GTF2IRD1: variants seen among roughly 807,000 people sequenced by gnomAD.
GTF2IRD1 encodes general transcription factor II-I repeat domain-containing protein 1.
In GTF2IRD1, 26 loss-of-function variants were observed where a neutral mutation model predicts 113.2. That is an observed-to-expected ratio of 0.23 (90% CI 0.17 to 0.32). GTF2IRD1 has a LOEUF of 0.32. Among genes scored for constraint, GTF2IRD1 ranks in the 10% least tolerant of loss-of-function variants. The pLI, the probability that GTF2IRD1 is intolerant of heterozygous loss-of-function variation, is 1.00. For synonymous variants in GTF2IRD1, 484 were observed against 529.1 expected, an observed-to-expected ratio of 0.91 and a Z score of 1.17; for missense variants, 864 against 1,280.8, an observed-to-expected ratio of 0.67 and a Z score of 4.97.
chr7:74,535,268 GT>G (rs1487022119), intron 10 of GTF2IRD1, 130 bp downstream of exon 10: 1 of 757,714 alleles, frequency 1.3e-6, no homozygotes, highest in African/African-American at 1.7e-5. Context: ...CTGGGCTGTG[GT>G]TTCTGTGTCC....
At chr7:74,520,855 T>TA (rs1255958052) in intron 6 of GTF2IRD1, among the ~76,000 whole-genome samples, 1 of 142,772 alleles carries the variant, frequency 7.0e-6, no homozygotes, top group Non-Finnish European at 1.5e-5. Flanking sequence ...TTATTATTAT[T>TA]ATTATTATTA....
chr7:74,538,008 G>A (rs1181976327), intron 11 of GTF2IRD1, 128 bp from the exon 12 acceptor site: 7 of 795,452 alleles, frequency 8.8e-6, no homozygotes, highest in Non-Finnish European at 1.3e-5. Context: ...AGGGCCAGGG[G>A]CCGATGGGGA....
Position 74,566,530 on chromosome 7 carries a change from C to T in GTF2IRD1, c.2320+6875C>T, listed in dbSNP as rs114407527. ...GCTAATTTTCCTATTTTAGTAGAGA[C>T]GGGGTTTTGCCATGTTGGCCAGGCT... On this transcript the variant is annotated intron_variant, in intron 22 of 26. Transcript: ENST00000424337. Among the ~76,000 whole-genome samples the T allele has an allele frequency of 3.0e-3, 452 of 152,282 alleles. 3 individuals carry two copies. The highest frequency in any genetic ancestry group is 0.01 in the African/African-American group (433 of 41,564).
rs587618176 is a variant in GTF2IRD1 at position 74,590,118 on chromosome 7, G to A, written c.2398+190G>A. Among the ~76,000 whole-genome samples, 5 of 151,872 alleles carry A rather than the reference G, an allele frequency of 3.3e-5. No individual in the cohort carries two copies. The East Asian group carries it at 5.8e-4, about 18-fold the overall frequency. ...TTTTTTTTAAACAGGGTCTCACTCT[G>A]TTGCCCAAGCTGGAGTACAGTGGCG... On this transcript the variant is annotated intron_variant, in intron 23 of 26. Transcript: ENST00000424337.
intron 2 of GTF2IRD1, among the ~76,000 whole-genome samples, chr7:74,511,048 C>CAA (rs782366013): frequency 6.7e-5 from 7 of 104,304 alleles, no homozygotes; most frequent in Admixed American, 9.5e-5. Flanking sequence ...GACTTTGTCT[C>CAA]AAAAAAAAAA....
intron 3 of GTF2IRD1, among the ~76,000 whole-genome samples, chr7:74,514,086 A>C (rs1422379307): frequency 6.6e-6 from 1 of 152,110 alleles, no homozygotes; most frequent in African/African-American, 2.4e-5. Context: ...CAACCCACTC[A>C]TCTGTGAAAG....
intron 22 of GTF2IRD1, among the ~76,000 whole-genome samples, chr7:74,566,267 A>G (rs1237973519): frequency 6.6e-6 from 1 of 152,194 alleles, no homozygotes; most frequent in Non-Finnish European, 1.5e-5. Context: ...TTCAGGCTGT[A>G]TCATGGTTAT....
intron 1 of GTF2IRD1, among the ~76,000 whole-genome samples, chr7:74,458,247 G>A (rs1332252288): frequency 6.6e-6 from 1 of 152,120 alleles, no homozygotes; most frequent in Admixed American, 6.6e-5. Context: ...GTGACTGGAA[G>A]GGAATTTCCT....
chr7:74,476,189 G>A (rs1235366439), intron 1 of GTF2IRD1, among the ~76,000 whole-genome samples: 1 of 152,096 alleles, frequency 6.6e-6, no homozygotes, highest in East Asian at 1.9e-4. Flanking sequence ...ATGGGATGGC[G>A]TAGGTGTGGG....
intron 22 of GTF2IRD1, among the ~76,000 whole-genome samples, chr7:74,569,209 G>A (rs782725097): frequency 2.0e-5 from 3 of 152,340 alleles, no homozygotes; most frequent in Non-Finnish European, 2.9e-5. Flanking sequence ...GCCAGTCCCT[G>A]CAGAGATTAG....
chr7:74,549,571 C>T (rs587682769), intron 17 of GTF2IRD1, among the ~76,000 whole-genome samples: 2 of 152,226 alleles, frequency 1.3e-5, no homozygotes, highest in East Asian at 1.9e-4. Context: ...AGTCATGATT[C>T]GTGCAGTAGA....
intron 22 of GTF2IRD1, among the ~76,000 whole-genome samples, chr7:74,565,985 CCT>C (rs1450695050): frequency 7.0e-6 from 1 of 142,222 alleles, no homozygotes; most frequent in Non-Finnish European, 1.5e-5. Context: ...AGAGTAAGAC[CCT>C]CTCTCTAAAA....
intron 1 of GTF2IRD1, among the ~76,000 whole-genome samples, chr7:74,458,119 C>T (rs782566873): frequency 2.0e-5 from 3 of 152,228 alleles, no homozygotes; most frequent in Middle Eastern, 3.4e-3. Flanking sequence ...GATCTGCCCG[C>T]CTCTGCCTCC....
At chr7:74,579,169 A>C (rs1801259228) in intron 22 of GTF2IRD1, among the ~76,000 whole-genome samples, 1 of 152,144 alleles carries the variant, frequency 6.6e-6, no homozygotes, top group Admixed American at 6.5e-5. Flanking sequence ...AAAAATGTTA[A>C]AATTAGCCAG....
chr7:74,569,776 T>C (rs1800580000), intron 22 of GTF2IRD1, among the ~76,000 whole-genome samples: 1 of 151,964 alleles, frequency 6.6e-6, no homozygotes, highest in African/African-American at 2.4e-5. Flanking sequence ...CAGCAGGGTG[T>C]GAAGAGGGCG....
chr7:74,536,722 C>T (rs1554350325), intron 11 of GTF2IRD1, among the ~76,000 whole-genome samples: 1 of 152,084 alleles, frequency 6.6e-6, no homozygotes, highest in Non-Finnish European at 1.5e-5. Context: ...AAGAGAATGG[C>T]TTGAACCTGG....
chr7:74,596,013 G>T (rs375085458), intron 25 of GTF2IRD1: 2 of 152,280 alleles, frequency 1.3e-5, no homozygotes, highest in East Asian at 3.9e-4. Flanking sequence ...GGGTGACTAT[G>T]ATGTGCACCT....
intron 1 of GTF2IRD1, among the ~76,000 whole-genome samples, chr7:74,478,481 G>C (rs1794556239): frequency 6.6e-6 from 1 of 151,972 alleles, no homozygotes; most frequent in South Asian, 2.1e-4. Context: ...TTAGAGACAG[G>C]GTCTTGCTCT....
intron 1 of GTF2IRD1, among the ~76,000 whole-genome samples, chr7:74,493,247 C>T (rs1193639196): frequency 6.6e-6 from 1 of 151,578 alleles, no homozygotes; most frequent in African/African-American, 2.4e-5. Context: ...GTAACTGGGA[C>T]TATAGGCATG....
Sources: gnomAD v4.1 joint callset for allele counts (sites outside exome capture counted in the v4.1 genomes callset) on GRCh38, gnomAD v4.1.1 for gene constraint, MANE v1.5 for transcripts, NCBI Gene and HGNC (gene_info 2026-07-23, HGNC 2026-07-21) for gene names.